The following ATP10D variants were observed in gnomAD, a reference collection of about 807,000 sequenced individuals.
The protein encoded by ATP10D is phospholipid-transporting ATPase VD.
A neutral mutation model predicts 144.8 loss-of-function variants in ATP10D; 89 were observed. The observed-to-expected ratio is 0.61, with a 90% CI of 0.52 to 0.73. The LOEUF is 0.73. Ranked by LOEUF, ATP10D falls within the 30% of genes least tolerant of loss-of-function variation. ATP10D has a pLI of 0.00. For missense variants in ATP10D, 1,603 were observed against 1,714.8 expected (o/e 0.93, Z 1.15); for synonymous variants, 571 against 615.1 (o/e 0.93, Z 1.06).
chr4:47,515,441 T>C (rs749516753), intron 2 of ATP10D, 35 bp from the exon 3 acceptor site: 230 of 1,565,380 alleles, frequency 1.5e-4, no homozygotes, highest in Middle Eastern at 3.4e-4. Flanking sequence ...TTGAAGTAAC[T>C]TCTTAACACC....
At chr4:47,584,974 G>A (rs1445568256) in intron 21 of ATP10D, among the ~76,000 whole-genome samples, 1 of 152,068 alleles carries the variant, frequency 6.6e-6, no homozygotes, top group Non-Finnish European at 1.5e-5. Flanking sequence ...GAAAATAAAA[G>A]AGATTAATAA....
chr4:47,586,762 G>C (rs963104744), intron 21 of ATP10D, among the ~76,000 whole-genome samples: 5 of 152,208 alleles, frequency 3.3e-5, no homozygotes, highest in African/African-American at 1.2e-4. Context: ...TGCATGGATA[G>C]TATAGAATAA....
intron 5 of ATP10D, among the ~76,000 whole-genome samples, chr4:47,526,634 C>A (rs1196975428): frequency 2.0e-5 from 3 of 152,046 alleles, no homozygotes; most frequent in African/African-American, 7.2e-5. Context: ...CTGATGAAAT[C>A]TCCAAAAAAC....
Position 47,576,955 on chromosome 4 carries a change from A to T in ATP10D, c.3549A>T (p.Arg1183Ser). ...ETLMQLPELY[R>S]SGQKSEAYLP... ...TCATGCAACTGCCTGAACTTTACAG[A>T]AGTGGTCAGAAATCAGAGGTAGGTG... The change falls in exon 19 of 23, where the codon AGA becomes AGT. Residue 1183 changes from arginine (R) to serine (S), a missense_variant. By Grantham distance (110) the Arg-to-Ser change is moderately radical (BLOSUM62 -1). Coordinates refer to ENST00000273859, the MANE Select transcript of ATP10D (RefSeq NM_020453.4). 1 of 1,614,142 alleles carries T rather than the reference A, an allele frequency of 6.2e-7. No individual in the cohort carries two copies. The highest frequency in any genetic ancestry group is 1.1e-5 in the South Asian group (1 of 91,078).
At position 47,581,993 on chromosome 4, in the gene ATP10D, T is replaced by A; in HGVS notation, c.3682T>A (p.Phe1228Ile). ...GGGCTCAGATACTGACATCTTTGCATTTGGAAACCCCCTGAACACAGCCGC... is the reference window on the plus strand; with the variant it reads ...GGGCTCAGATACTGACATCTTTGCAATTGGAAACCCCCTGAACACAGCCGC... Reference protein sequence around the residue: ...YQGSDTDIFAFGNPLNTAALF... With the variant: ...YQGSDTDIFAIGNPLNTAALF... The change falls in exon 21 of 23, where the codon TTT (phenylalanine) becomes ATT (isoleucine). Residue 1228 changes from phenylalanine to isoleucine, a missense_variant. Coordinates refer to ENST00000273859, the MANE Select transcript of ATP10D (RefSeq NM_020453.4). 1 of 1,614,056 alleles carries A rather than the reference T, an allele frequency of 6.2e-7. No individual in the cohort carries two copies.
chr4:47,554,258 A>G (rs531274463), intron 10 of ATP10D, among the ~76,000 whole-genome samples: 1 of 152,092 alleles, frequency 6.6e-6, no homozygotes, highest in East Asian at 1.9e-4. Context: ...ATTTTTGGAG[A>G]GTTGTTTTTT....
intron 9 of ATP10D, among the ~76,000 whole-genome samples, chr4:47,540,995 G>A (rs897831288): frequency 1.3e-5 from 2 of 152,166 alleles, no homozygotes; most frequent in Non-Finnish European, 2.9e-5. Flanking sequence ...CACTTTTCAA[G>A]AACAAGGATT....
At chr4:47,577,756 G>T (rs1720308096) in intron 19 of ATP10D, among the ~76,000 whole-genome samples, 1 of 152,154 alleles carries the variant, frequency 6.6e-6, no homozygotes, top group Non-Finnish European at 1.5e-5. Context: ...CAGCTTTCAG[G>T]AAAGAAGGGG....
chr4:47,545,254 A>C (rs1242719550), intron 9 of ATP10D, among the ~76,000 whole-genome samples: 2 of 152,344 alleles, frequency 1.3e-5, no homozygotes, highest in Non-Finnish European at 1.5e-5. Flanking sequence ...GGCATGTAGA[A>C]AGAGAAGTGA....
At position 47,569,109 on chromosome 4, in the gene ATP10D, G is replaced by A; in HGVS notation, c.3126G>A (p.Leu1042=). The A allele has an allele frequency of 6.2e-7, 1 of 1,613,970 alleles. No individual in the cohort carries two copies. The highest frequency in any genetic ancestry group is 8.5e-7 in the Non-Finnish European group (1 of 1,180,004). The part of the protein sequence containing the change: ...TPLQKSEVVK[L]VRSHLQVMTL... ...TGCAGAAAAGTGAAGTGGTGAAATTGGTCCGCAGCCATCTCCAGGTGATGA... is the reference window on the plus strand; with the variant it reads ...TGCAGAAAAGTGAAGTGGTGAAATTAGTCCGCAGCCATCTCCAGGTGATGA... The change falls in exon 16 of 23, where the codon TTG becomes TTA. Residue 1042 remains leucine (L), a synonymous_variant. Coordinates refer to ENST00000273859, the MANE Select transcript of ATP10D (RefSeq NM_020453.4).
intron 10 of ATP10D, among the ~76,000 whole-genome samples, chr4:47,548,116 G>A (rs12507939): frequency 0.24 from 36,157 of 151,972 alleles, 4,301 homozygotes; most frequent in Admixed American, 0.3. Flanking sequence ...GTAAGAACAT[G>A]TTGGCTCTTG....
chr4:47,497,267 C>T (rs1560408148), intron 1 of ATP10D, among the ~76,000 whole-genome samples: 1 of 151,924 alleles, frequency 6.6e-6, no homozygotes, highest in African/African-American at 2.4e-5. Flanking sequence ...ACCAGCCTGA[C>T]CAACGTGGAG....
intron 18 of ATP10D, among the ~76,000 whole-genome samples, chr4:47,576,182 C>T (rs1720235736): frequency 1.3e-5 from 2 of 151,724 alleles, no homozygotes; most frequent in African/African-American, 2.4e-5. Context: ...CCACCCGCCT[C>T]GGCCTCCCAA....
intron 18 of ATP10D, among the ~76,000 whole-genome samples, chr4:47,576,013 G>C (rs528567982): frequency 7.4e-6 from 1 of 135,834 alleles, no homozygotes; most frequent in Non-Finnish European, 1.5e-5. Flanking sequence ...CTCACTGCAA[G>C]CTCCGCCTCC....
chr4:47,486,452 A>T (rs1170950089), intron 1 of ATP10D, among the ~76,000 whole-genome samples: 1 of 152,250 alleles, frequency 6.6e-6, no homozygotes, highest in East Asian at 1.9e-4. Context: ...AGATGCATCA[A>T]CAAGGACAGG....
At chr4:47,528,332 G>A (rs28561928) in intron 5 of ATP10D, among the ~76,000 whole-genome samples, 3,410 of 151,916 alleles carry the variant, frequency 0.022, 134 homozygotes, top group African/African-American at 0.078. Flanking sequence ...TCACTTATGA[G>A]TGAGAACATG....
At chr4:47,535,457 T>C in intron 5 of ATP10D, 52 bp from the exon 6 acceptor site, 1 of 1,385,180 alleles carries the variant, frequency 7.2e-7, no homozygotes, top group East Asian at 2.4e-5. Context: ...TTTATTTTTA[T>C]ATCCCCACTT....
chr4:47,497,644 T>C (rs944782476), intron 1 of ATP10D, among the ~76,000 whole-genome samples: 1 of 152,174 alleles, frequency 6.6e-6, no homozygotes, highest in African/African-American at 2.4e-5. Flanking sequence ...AACATAATAA[T>C]ATTGTATTCA....
In ATP10D at chr4:47,561,090, T is replaced by C. The variant is rs1177682401; in HGVS notation, c.2668+15T>C. On this transcript the variant is annotated intron_variant, in intron 14 of 22. Transcript: ENST00000273859. The stretch of plus-strand genomic sequence containing the variant: ...TACATTACTTGGTAGGTGAATTATG[T>C]TTGTATTGCCTGAATGGAGGATTTT... 1 of 1,613,972 alleles carries C rather than the reference T, an allele frequency of 6.2e-7. No individual in the cohort carries two copies. Among genetic ancestry groups the C allele is most frequent in the African/African-American group, 1.3e-5 (1 of 75,052 alleles).
Sources: gnomAD v4.1 joint callset for allele counts (sites outside exome capture counted in the v4.1 genomes callset) on GRCh38, gnomAD v4.1.1 for gene constraint, MANE v1.5 for transcripts, NCBI Gene and HGNC (gene_info 2026-07-23, HGNC 2026-07-21) for gene names.